The following ANKRD36C variants were observed in gnomAD, a reference collection of about 807,000 sequenced individuals.
ANKRD36C encodes the protein ankyrin repeat domain-containing protein 36C.
Under a neutral mutation model 276.4 loss-of-function variants are expected in ANKRD36C, and 61 were observed. The observed-to-expected ratio is 0.22, with a 90% CI of 0.18 to 0.27. The LOEUF is 0.27. Among genes scored for constraint, ANKRD36C ranks in the 10% least tolerant of loss-of-function variants. The pLI is 1.00. For synonymous variants in ANKRD36C, 483 were observed against 680.1 expected (o/e 0.71, Z 4.51); for missense variants, 1,447 against 2,032.3 (o/e 0.71, Z 5.54).
intron 44 of ANKRD36C, among the ~76,000 whole-genome samples, 176 bp downstream of exon 60, chr2:95,897,094 A>T (rs1045158010): frequency 2.7e-5 from 4 of 150,334 alleles, no homozygotes; most frequent in Non-Finnish European, 4.5e-5. Context: ...TACGGCGAAG[A>T]TCACGTTCCA....
intron 26 of ANKRD36C, 73 bp downstream of exon 26, chr2:95,928,999 T>C: frequency 6.3e-7 from 1 of 1,589,060 alleles, no homozygotes; most frequent in Non-Finnish European, 8.5e-7. Flanking sequence ...AACTCCCCAC[T>C]GATTTATTTG....
intron 8 of ANKRD36C, among the ~76,000 whole-genome samples, chr2:95,961,323 C>T (rs1400050395): frequency 6.6e-6 from 1 of 152,014 alleles, no homozygotes; most frequent in African/African-American, 2.4e-5. Flanking sequence ...TCTTCATCCA[C>T]TCATGGCAAG....
intron 52 of ANKRD36C, 39 bp from the exon 73 acceptor site, chr2:95,884,407 G>C (rs568785791): frequency 1.4e-5 from 23 of 1,609,970 alleles, no homozygotes; most frequent in Non-Finnish European, 2.0e-5. Flanking sequence ...CCACATGCAC[G>C]TATGATAAAG....
At chr2:95,916,665 C>A (rs747634912) in intron 36 of ANKRD36C, among the ~76,000 whole-genome samples, 6 of 151,626 alleles carry the variant, frequency 4.0e-5, no homozygotes. Context: ...TGTACACTCA[C>A]ATCTCTTCAG....
intron 5 of ANKRD36C, among the ~76,000 whole-genome samples, chr2:95,980,351 T>C (rs1026541542): frequency 6.6e-6 from 1 of 152,072 alleles, no homozygotes; most frequent in Non-Finnish European, 1.5e-5. Context: ...AACTACTTTA[T>C]CCTATGCATA....
chr2:95,880,839 A>T (rs2104322764), intron 56 of ANKRD36C, among the ~76,000 whole-genome samples: 1 of 152,326 alleles, frequency 6.6e-6, no homozygotes, highest in Admixed American at 6.5e-5. Flanking sequence ...CAAGTTAAAA[A>T]GTGAGATTAT....
chr2:95,911,224 C>A (rs554930332), intron 42 of ANKRD36C, among the ~76,000 whole-genome samples: 1 of 151,560 alleles, frequency 6.6e-6, no homozygotes, highest in East Asian at 2.0e-4. Flanking sequence ...TTCATCCACT[C>A]ATGGCACCAA....
At chr2:95,960,492 A>T (rs1419011244) in exon 10 of ANKRD36C, 4 of 1,537,664 alleles carry the variant, frequency 2.6e-6, no homozygotes, top group Non-Finnish European at 2.6e-6. Context: ...ATTTTTGTTC[A>T]TCTTTTATTT....
At chr2:95,872,775 C>T (rs1452262411) in intron 59 of ANKRD36C, among the ~76,000 whole-genome samples, 2 of 151,724 alleles carry the variant, frequency 1.3e-5, no homozygotes, top group Non-Finnish European at 2.9e-5. Context: ...GCTAGCAAGA[C>T]TAAAAAAGAA....
At chr2:95,902,740 A>G in intron 42 of ANKRD36C, 146 bp downstream of exon 54, 1 of 1,088,068 alleles carries the variant, frequency 9.2e-7, no homozygotes, top group Non-Finnish European at 1.3e-6. Flanking sequence ...CATCATCATC[A>G]CCCACAAACT....
chr2:95,933,686 T>A (rs1274858544), intron 24 of ANKRD36C, among the ~76,000 whole-genome samples: 1 of 152,056 alleles, frequency 6.6e-6, no homozygotes, highest in Non-Finnish European at 1.5e-5. Flanking sequence ...CTGAGACAAT[T>A]TGGTTTCCTA....
At chr2:95,911,790 G>A (rs1305261235) in intron 42 of ANKRD36C, among the ~76,000 whole-genome samples, 2 of 151,436 alleles carry the variant, frequency 1.3e-5, no homozygotes, top group East Asian at 2.0e-4. Flanking sequence ...CTCACAATCC[G>A]TCTTCATTCG....
At chr2:95,953,215 A>T (rs1238884985) in intron 14 of ANKRD36C, among the ~76,000 whole-genome samples, 1 of 152,092 alleles carries the variant, frequency 6.6e-6, no homozygotes, top group Non-Finnish European at 1.5e-5. Flanking sequence ...TGAGCACAGA[A>T]TTTGAATTTC....
chr2:95,980,665 G>A (rs760327445), exon 5 of ANKRD36C: 23 of 1,612,026 alleles, frequency 1.4e-5, no homozygotes, highest in African/African-American at 6.7e-5. Flanking sequence ...TCTTAGCCTC[G>A]CTGGCATAAT....
chr2:95,958,623 G>A, exon 12 of ANKRD36C: 2 of 1,546,398 alleles, frequency 1.3e-6, no homozygotes, highest in Non-Finnish European at 1.7e-6. Flanking sequence ...TTTTATTTCT[G>A]TGGCTGTGTT....
At chr2:95,950,324 G>T (rs981041693) in intron 16 of ANKRD36C, among the ~76,000 whole-genome samples, 1 of 152,180 alleles carries the variant, frequency 6.6e-6, no homozygotes, top group East Asian at 1.9e-4. Context: ...TTTTGGAGTA[G>T]CCAGGCTTCT....
rs200212070 is a variant in ANKRD36C, at chr2:95,968,400, T to C, written c.800-5853A>G. Reference sequence around the variant, plus strand: ...AATAGTCATAATTCTAACAGAATCCTATCACACTGACAGAAAATGGCATCA... The same window carrying C: ...AATAGTCATAATTCTAACAGAATCCCATCACACTGACAGAAAATGGCATCA... On this transcript the variant is annotated intron_variant, in intron 6 of 66. Coordinates refer to ENST00000456556, the Ensembl canonical transcript of ANKRD36C. Among the ~76,000 whole-genome samples the C allele has an allele frequency of 2.4e-4, 36 of 152,290 alleles. No homozygotes were observed. The East Asian group carries it at 6.9e-3, about 29-fold the overall frequency.
At chr2:95,923,746 T>C in intron 30 of ANKRD36C, 57 bp from the exon 31 acceptor site, 2 of 1,596,140 alleles carry the variant, frequency 1.3e-6, no homozygotes, top group Non-Finnish European at 1.7e-6. Context: ...AAGTTATCTA[T>C]ACATTCATGA....
At chr2:95,971,032 A>C (rs189452319) in intron 6 of ANKRD36C, among the ~76,000 whole-genome samples, 1 of 152,294 alleles carries the variant, frequency 6.6e-6, no homozygotes, top group East Asian at 1.9e-4. Context: ...GCAAAAAAGC[A>C]CAATGGATGG....
Sources: gnomAD v4.1 joint callset for allele counts (sites outside exome capture counted in the v4.1 genomes callset) on GRCh38, gnomAD v4.1.1 for gene constraint, MANE v1.5 for transcripts, NCBI Gene and HGNC (gene_info 2026-07-23, HGNC 2026-07-21) for gene names.